Variants in DOCK1 observed in about 807,000 individuals in gnomAD.
The protein encoded by DOCK1 is dedicator of cytokinesis 1, also known as dedicator of cytokinesis protein 1.
Under a neutral mutation model 262.7 loss-of-function variants are expected in DOCK1, and 138 were observed. The observed-to-expected ratio is 0.53, with a 90% CI of 0.46 to 0.61. DOCK1 has a LOEUF of 0.61. DOCK1 is among the 20% of genes least tolerant of loss of function. The probability of loss-of-function intolerance (pLI) is 0.00; values close to 1 mark genes in which losing one functional copy is unlikely to be tolerated. For synonymous variants in DOCK1, 866 were observed against 867.4 expected, an observed-to-expected ratio of 1.00 and a Z score of 0.03; for missense variants, 1,908 against 2,370.7, an observed-to-expected ratio of 0.80 and a Z score of 4.05.
intron 1 of DOCK1, among the ~76,000 whole-genome samples, chr10:126,939,811 C>T (rs2034852912): frequency 6.6e-6 from 1 of 152,190 alleles, no homozygotes; most frequent in African/African-American, 2.4e-5. Flanking sequence ...GTTTGTTAAT[C>T]CCAGAAGTCA....
intron 28 of DOCK1, among the ~76,000 whole-genome samples, 181 bp downstream of exon 28, chr10:127,248,290 G>A (rs2059500305): frequency 1.3e-5 from 2 of 152,290 alleles, no homozygotes; most frequent in Non-Finnish European, 2.9e-5. Context: ...ACAAGGGTCC[G>A]GACTTGCAGA....
At chr10:126,957,248 T>C (rs1015517838) in intron 1 of DOCK1, among the ~76,000 whole-genome samples, 2,469 of 152,280 alleles carry the variant, frequency 0.016, 67 homozygotes, top group African/African-American at 0.057. Flanking sequence ...GGCGAGTCCC[T>C]GGCGTGGCTG....
At chr10:127,014,434 A>AT (rs112422377) in intron 12 of DOCK1, among the ~76,000 whole-genome samples, 7,187 of 152,268 alleles carry the variant, frequency 0.047, 567 homozygotes, top group African/African-American at 0.16. Flanking sequence ...AATAAATTTA[A>AT]TGTGTCACTA....
At chr10:127,383,807 C>T (rs1357603799) in intron 37 of DOCK1, among the ~76,000 whole-genome samples, 1 of 152,240 alleles carries the variant, frequency 6.6e-6, no homozygotes, top group Non-Finnish European at 1.5e-5. Context: ...CAAGCCCATG[C>T]TCACCGTGTC....
intron 38 of DOCK1, among the ~76,000 whole-genome samples, chr10:127,401,273 C>T (rs1294690071): frequency 2.0e-5 from 3 of 152,144 alleles, no homozygotes; most frequent in Non-Finnish European, 4.4e-5. Context: ...TTACTGGCCG[C>T]AAATCTGTAT....
chr10:127,257,482 T>C, intron 29 of DOCK1, 53 bp downstream of exon 29: 1 of 1,506,190 alleles, frequency 6.6e-7, no homozygotes, highest in Non-Finnish European at 9.1e-7. Flanking sequence ...AATTCATGTC[T>C]GCTGGGAACA....
At chr10:126,968,641 A>G (rs940078504) in intron 1 of DOCK1, among the ~76,000 whole-genome samples, 5 of 152,164 alleles carry the variant, frequency 3.3e-5, no homozygotes, top group African/African-American at 1.2e-4. Context: ...TTTCATTTCT[A>G]TGATTTTTGA....
chr10:127,432,198 C>G (rs1035471526), intron 47 of DOCK1, among the ~76,000 whole-genome samples: 5 of 152,138 alleles, frequency 3.3e-5, no homozygotes, highest in African/African-American at 1.2e-4. Context: ...TGGGCCAATT[C>G]CTGCCCTTTT....
chr10:127,196,747 A>AGCTGCCGCCG (rs566357511), intron 27 of DOCK1, among the ~76,000 whole-genome samples: 2,333 of 151,310 alleles, frequency 0.015, 22 homozygotes, highest in South Asian at 0.043. Flanking sequence ...AGGTGGAAGG[A>AGCTGCCGCCG]GCTGCCGCCG....
intron 27 of DOCK1, among the ~76,000 whole-genome samples, chr10:127,149,940 G>A (rs1261276589): frequency 6.6e-6 from 1 of 152,110 alleles, no homozygotes. Flanking sequence ...GCAACTAAGA[G>A]CCAGGCTTTG....
At chr10:127,086,237 C>A (rs1229392427) in intron 23 of DOCK1, among the ~76,000 whole-genome samples, 1 of 151,474 alleles carries the variant, frequency 6.6e-6, no homozygotes. Flanking sequence ...TCCCATCCCC[C>A]CACCCCCGGT....
At chr10:127,037,342 G>T (rs893654105) in intron 18 of DOCK1, among the ~76,000 whole-genome samples, 33 of 152,312 alleles carry the variant, frequency 2.2e-4, no homozygotes, top group African/African-American at 7.5e-4. Flanking sequence ...TTGAGCAGGA[G>T]AAACAAACCA....
intron 1 of DOCK1, among the ~76,000 whole-genome samples, chr10:126,950,929 A>G (rs2134391741): frequency 6.6e-6 from 1 of 151,954 alleles, no homozygotes; most frequent in East Asian, 1.9e-4. Context: ...GGTGGTTGGT[A>G]GTATTGCTGT....
At chr10:127,288,025 G>GAAGGATA (rs2061220887) in intron 29 of DOCK1, among the ~76,000 whole-genome samples, 1 of 152,196 alleles carries the variant, frequency 6.6e-6, no homozygotes, top group Admixed American at 6.5e-5. Context: ...TAAAGGAAAG[G>GAAGGATA]AAGGATAAAT....
chr10:127,118,509 C>T (rs1322731913), intron 25 of DOCK1, among the ~76,000 whole-genome samples: 1 of 152,170 alleles, frequency 6.6e-6, no homozygotes, highest in Non-Finnish European at 1.5e-5. Flanking sequence ...TAAAGGATGG[C>T]TCGCTTTTTT....
intron 37 of DOCK1, among the ~76,000 whole-genome samples, chr10:127,383,627 C>T (rs981824705): frequency 6.6e-6 from 1 of 152,240 alleles, no homozygotes; most frequent in Non-Finnish European, 1.5e-5. Context: ...AGGTGCTCCC[C>T]AGCCCGTGGT....
At chr10:127,040,004 C>T (rs1348240076) in intron 19 of DOCK1, among the ~76,000 whole-genome samples, 1 of 152,170 alleles carries the variant, frequency 6.6e-6, no homozygotes, top group Non-Finnish European at 1.5e-5. Flanking sequence ...TGCAGCTCCG[C>T]AGCCCAATAC....
At chr10:127,094,113 G>T (rs549105921) in intron 23 of DOCK1, among the ~76,000 whole-genome samples, 1 of 152,270 alleles carries the variant, frequency 6.6e-6, no homozygotes, top group South Asian at 2.1e-4. Context: ...AGTATCACTT[G>T]TCCCCAGGAG....
At chr10:127,252,283 T>C (rs1207504725) in intron 28 of DOCK1, among the ~76,000 whole-genome samples, 1 of 150,582 alleles carries the variant, frequency 6.6e-6, no homozygotes, top group Non-Finnish European at 1.5e-5. Context: ...ATTCTGGATA[T>C]TAGCCCTTTG....
Sources: allele counts gnomAD v4.1 joint callset (sites outside exome capture counted in the v4.1 genomes callset), GRCh38; gene constraint gnomAD v4.1.1; transcripts MANE v1.5; gene names NCBI Gene and HGNC (gene_info 2026-07-23, HGNC 2026-07-21).